CADM1: variants seen among roughly 807,000 people sequenced by gnomAD.
CADM1 encodes TSLC-1.
A neutral mutation model predicts 53.1 loss-of-function variants in CADM1; 15 were observed. The ratio of observed to expected loss-of-function variants is 0.28; its 90% CI spans 0.19 to 0.44. CADM1 has a LOEUF of 0.44. CADM1 is among the 20% of genes least tolerant of loss of function. The pLI, the probability that CADM1 is intolerant of heterozygous loss-of-function variation, is 1.00. For synonymous variants in CADM1, 281 were observed against 243.0 expected (o/e 1.16, Z -1.45); for missense variants, 434 against 611.3 (o/e 0.71, Z 3.06).
At chr11:115,217,345 T>C (rs556011168) in intron 6 of CADM1, among the ~76,000 whole-genome samples, 2 of 152,330 alleles carry the variant, frequency 1.3e-5, no homozygotes, top group Admixed American at 6.5e-5. Flanking sequence ...AAGTGGCATA[T>C]ATATCCTCCT....
At chr11:115,195,383 C>T (rs928977275) in intron 9 of CADM1, among the ~76,000 whole-genome samples, 2 of 152,146 alleles carry the variant, frequency 1.3e-5, no homozygotes, top group Non-Finnish European at 2.9e-5. Flanking sequence ...TTTAATGAGT[C>T]TTCAAAGGGA....
Position 115,173,851 on chromosome 11 carries a change from T to C in CADM1, c.*2623A>G. On this transcript the variant is annotated 3_prime_UTR_variant, in exon 12 of 12. Transcript: ENST00000331581. Reference sequence around the variant, plus strand: ...CGTCGGTGTGACTAAAGAACAAGCTTATTTGGCATCAATTATACATCCTTC... The same window carrying C: ...CGTCGGTGTGACTAAAGAACAAGCTCATTTGGCATCAATTATACATCCTTC... The C allele has an allele frequency of 1.0e-6, 1 of 977,630 alleles. No individual in the cohort carries two copies. Among genetic ancestry groups the C allele is most frequent in the Non-Finnish European group, 1.2e-6 (1 of 822,878 alleles). The allele number at this position is 977,630 out of a possible 1,614,324, so 60.6% of individuals were successfully genotyped here.
At chr11:115,352,603 G>A (rs932711575) in intron 1 of CADM1, among the ~76,000 whole-genome samples, 1 of 152,254 alleles carries the variant, frequency 6.6e-6, no homozygotes, top group South Asian at 2.1e-4. Flanking sequence ...CATATTCAAA[G>A]AATATGTGTT....
At chr11:115,365,019 C>T (rs1347368364) in intron 1 of CADM1, among the ~76,000 whole-genome samples, 4 of 152,108 alleles carry the variant, frequency 2.6e-5, no homozygotes, top group Admixed American at 6.6e-5. Flanking sequence ...CTTAATGAAG[C>T]GATGATGATG....
chr11:115,334,444 AAATTGATGAGTACAGTACTCATC>A (rs145928088), intron 1 of CADM1, among the ~76,000 whole-genome samples: 3,174 of 151,990 alleles, frequency 0.021, 43 homozygotes, highest in African/African-American at 0.036. Flanking sequence ...GGGGGTCTAA[AAATTGATGAGTACAGTACTCATC>A]AATTGATGAG....
intron 1 of CADM1, among the ~76,000 whole-genome samples, chr11:115,292,958 AG>A (rs1272504257): frequency 6.6e-6 from 1 of 152,226 alleles, no homozygotes; most frequent in Admixed American, 6.5e-5. Context: ...ATTACTGGAT[AG>A]ATCTTTTGAA....
At chr11:115,240,250 A>G (rs1285281909) in intron 2 of CADM1, 24 bp downstream of exon 2, 1 of 1,611,416 alleles carries the variant, frequency 6.2e-7, no homozygotes, top group Non-Finnish European at 8.5e-7. Context: ...GTTGCCATCT[A>G]CAACTATAGA....
At chr11:115,369,727 A>G (rs1320343872) in intron 1 of CADM1, among the ~76,000 whole-genome samples, 5 of 152,162 alleles carry the variant, frequency 3.3e-5, no homozygotes. Flanking sequence ...AAATTTCTCA[A>G]TTCTTTAATA....
chr11:115,412,310 T>A (rs1263591289), intron 1 of CADM1, among the ~76,000 whole-genome samples: 1 of 152,152 alleles, frequency 6.6e-6, no homozygotes, highest in African/African-American at 2.4e-5. Context: ...TCCTTCCACC[T>A]CAACCTCCCA....
At chr11:115,305,887 C>T (rs150677954) in intron 1 of CADM1, among the ~76,000 whole-genome samples, 1,318 of 119,328 alleles carry the variant, frequency 0.011, 18 homozygotes, top group African/African-American at 0.041. Context: ...GGCTACAGAG[C>T]GAGACTCCAT....
intron 1 of CADM1, among the ~76,000 whole-genome samples, chr11:115,372,841 C>G (rs1442515605): frequency 6.6e-6 from 1 of 152,158 alleles, no homozygotes; most frequent in Non-Finnish European, 1.5e-5. Context: ...CTGGAACTCT[C>G]AGGTGAGCAT....
At chr11:115,281,165 G>A (rs1447036400) in intron 1 of CADM1, among the ~76,000 whole-genome samples, 13 of 152,232 alleles carry the variant, frequency 8.5e-5, no homozygotes, top group Admixed American at 6.5e-4. Flanking sequence ...CTTTTTGCCT[G>A]AGCATTCCTA....
At chr11:115,295,948 C>A (rs1944066369) in intron 1 of CADM1, among the ~76,000 whole-genome samples, 1 of 152,054 alleles carries the variant, frequency 6.6e-6, no homozygotes, top group African/African-American at 2.4e-5. Flanking sequence ...CATTTTCTTT[C>A]TTTTCTTATA....
At chr11:115,282,825 G>A (rs1373502388) in intron 1 of CADM1, among the ~76,000 whole-genome samples, 2 of 152,216 alleles carry the variant, frequency 1.3e-5, no homozygotes, top group African/African-American at 4.8e-5. Context: ...GGATGGAAGA[G>A]GTTATAAATG....
At position 115,441,640 on chromosome 11, in the gene CADM1, C is replaced by T. The variant is rs190577359; in HGVS notation, c.124+62631G>A. Among the ~76,000 whole-genome samples, 274 of 152,250 alleles carry T rather than the reference C, an allele frequency of 1.8e-3. 2 individuals are homozygous for T. Among genetic ancestry groups the T allele is most frequent in the African/African-American group, 6.0e-3 (251 of 41,546 alleles). ...AATGAGCAAGGTACTGACTTACTCACGCCAATCACTTGGATGCTACAGGCT... is the reference window on the plus strand; with the variant it reads ...AATGAGCAAGGTACTGACTTACTCATGCCAATCACTTGGATGCTACAGGCT... On this transcript the variant is annotated intron_variant, in intron 1 of 11. Coordinates refer to ENST00000331581, the MANE Select transcript of CADM1 (RefSeq NM_001301043.2).
chr11:115,465,057 C>G (rs1948870108), intron 1 of CADM1, among the ~76,000 whole-genome samples: 1 of 152,164 alleles, frequency 6.6e-6, no homozygotes, highest in African/African-American at 2.4e-5. Flanking sequence ...CTAGGCAAAT[C>G]TGATGCTAAT....
intron 1 of CADM1, among the ~76,000 whole-genome samples, chr11:115,316,011 A>G (rs1480029404): frequency 1.3e-5 from 2 of 152,162 alleles, no homozygotes; most frequent in African/African-American, 2.4e-5. Context: ...TCCTGTAGAC[A>G]GGCATCCTGC....
At chr11:115,456,320 A>C (rs370558650) in intron 1 of CADM1, among the ~76,000 whole-genome samples, 4 of 152,250 alleles carry the variant, frequency 2.6e-5, no homozygotes, top group East Asian at 3.9e-4. Context: ...CAAAAAAAAA[A>C]CTGCATATAA....
In CADM1 at chr11:115,201,189, C is replaced by T. The variant is rs539885501; in HGVS notation, c.1079-2751G>A. On this transcript the variant is annotated intron_variant, in intron 8 of 11. Transcript: ENST00000331581. Reference sequence around the variant, plus strand: ...TACTGCAGCTGGAAATGGCAAAACCCGGAGCAGCAACGGGGTAGGAGACTG... The same window carrying T: ...TACTGCAGCTGGAAATGGCAAAACCTGGAGCAGCAACGGGGTAGGAGACTG... 7.9e-5 allele frequency among the ~76,000 whole-genome samples: 12 copies of T among 152,202 alleles called. No homozygotes were observed. The South Asian group carries it at 1.2e-3, about 16-fold the overall frequency.
Sources: allele counts gnomAD v4.1 joint callset (sites outside exome capture counted in the v4.1 genomes callset), GRCh38; gene constraint gnomAD v4.1.1; transcripts MANE v1.5; gene names NCBI Gene and HGNC (gene_info 2026-07-23, HGNC 2026-07-21).